SEPTIN8: variants seen among roughly 807,000 people sequenced by gnomAD.
The protein encoded by SEPTIN8 is septin 8, also known as septin-8.
Under a neutral mutation model 53.1 loss-of-function variants are expected in SEPTIN8, and 22 were observed. That is an observed-to-expected ratio of 0.41 (90% CI 0.30 to 0.59). The LOEUF (loss-of-function observed/expected upper bound fraction) is 0.59, where lower values mean the gene tolerates loss of function less well. SEPTIN8 is among the 20% of genes least tolerant of loss of function. The pLI is 0.24. For missense variants in SEPTIN8, 536 were observed against 638.7 expected (o/e 0.84, Z 1.73); for synonymous variants, 228 against 248.4 (o/e 0.92, Z 0.77).
intron 3 of SEPTIN8, 45 bp from the exon 4 acceptor site, chr5:132,763,937 G>A: frequency 6.7e-7 from 1 of 1,500,240 alleles, no homozygotes; most frequent in Non-Finnish European, 8.9e-7. Flanking sequence ...CTGAGATCAG[G>A]GGCTTGGGGC....
At chr5:132,772,630 C>T (rs952002534) in intron 1 of SEPTIN8, among the ~76,000 whole-genome samples, 3 of 152,198 alleles carry the variant, frequency 2.0e-5, no homozygotes, top group Non-Finnish European at 4.4e-5. Context: ...AAAGGTGCCC[C>T]GCCTTCTGTC....
rs1399052090 is a variant in SEPTIN8, at chr5:132,760,941, T to C, written c.1147A>G (p.Lys383Glu). The change falls in exon 9 of 10, where the codon AAG becomes GAG. Residue 383 changes from lysine to glutamate, a missense_variant. Lys to Glu is a moderately conservative substitution (Grantham distance 56). Around this residue, in one of 3 missense-constraint regions of SEPTIN8, gnomAD observed 133 missense variants for 157.4 expected, o/e 0.84. Transcript: ENST00000378719. This position sits in a 1 kb window ranked among gnomAD's most constrained non-coding sequence, Gnocchi z 5.2. ...AGTTCCCGGCGCTTTTCCTCCACCT[T>C]GCGCTTCTCCTCCTGGTGGACCCGC... ...LKRVHQEEKR[K>E]VEEKRRELEE... The C allele has an allele frequency of 1.9e-6, 3 of 1,599,624 alleles. No homozygotes were observed. Among genetic ancestry groups the C allele is most frequent in the Non-Finnish European group, 2.6e-6 (3 of 1,174,024 alleles).
At position 132,751,307 on chromosome 5, in the gene SEPTIN8, C is replaced by T. The variant is rs1265967916; in HGVS notation, c.*709G>A. 2 of 280,462 alleles carry T rather than the reference C, an allele frequency of 7.1e-6. No homozygotes were observed. The highest frequency in any genetic ancestry group is 1.3e-5 in the Non-Finnish European group (2 of 150,648). 17.4% of individuals were successfully genotyped at this position (280,462 alleles called of 1,614,324 possible). ...TATTTAACTTTCCATTCTATGAATA[C>T]TGTACATAAATATCTGTCTGCTTTT... On this transcript the variant is annotated 3_prime_UTR_variant, in exon 10 of 10. Coordinates refer to ENST00000378719, the MANE Select transcript of SEPTIN8 (RefSeq NM_001098811.2).
intron 1 of SEPTIN8, among the ~76,000 whole-genome samples, chr5:132,770,097 ATATGTATATATG>A (rs1757129468): frequency 8.7e-5 from 2 of 22,978 alleles, no homozygotes; most frequent in South Asian, 1.4e-3. Context: ...ATGTATATAT[ATATGTATATATG>A]TATATATATA....
intron 9 of SEPTIN8, chr5:132,754,498 G>A (rs762309621): frequency 9.8e-6 from 7 of 717,386 alleles, no homozygotes; most frequent in Non-Finnish European, 1.6e-5. Context: ...GCTGGATTCT[G>A]AGAGCTGATC....
At chr5:132,759,218 G>A (rs371386315) in intron 9 of SEPTIN8, among the ~76,000 whole-genome samples, 2 of 152,274 alleles carry the variant, frequency 1.3e-5, no homozygotes, top group East Asian at 1.9e-4. Flanking sequence ...CCACAGAGCC[G>A]TCATGGGAAG....
intron 9 of SEPTIN8, among the ~76,000 whole-genome samples, chr5:132,752,617 G>A (rs918656561): frequency 2.6e-5 from 4 of 152,134 alleles, no homozygotes. Flanking sequence ...CATTGTGGGG[G>A]CACAAGGAGG....
Position 132,761,923 on chromosome 5 carries a change from G to T in SEPTIN8, c.697-27C>A. 6.5e-7 allele frequency: 1 copy of T among 1,549,586 alleles called. No individual in the cohort carries two copies. Among genetic ancestry groups the T allele is most frequent in the Non-Finnish European group, 8.7e-7 (1 of 1,144,500 alleles). ...TGGAAAGGGGCCCGGGTATGCGTAA[G>T]CCCTGAGCTGACACAGACTAATGGC... is the stretch of plus-strand genomic sequence containing the variant. On this transcript the variant is annotated intron_variant, in intron 5 of 9. Coordinates refer to ENST00000378719, the MANE Select transcript of SEPTIN8 (RefSeq NM_001098811.2). This position sits in a 1 kb window ranked among gnomAD's most constrained non-coding sequence, Gnocchi z 5.8.
upstream of SEPTIN8, chr5:132,777,401 G>A (rs1757912020): frequency 2.0e-6 from 2 of 1,009,096 alleles, no homozygotes; most frequent in African/African-American, 1.7e-5. This position sits in a 1 kb window ranked among gnomAD's most constrained non-coding sequence, Gnocchi z 4.1. Flanking sequence ...TCTCCGCGGC[G>A]AGGCGGGAGG....
At chr5:132,770,428 C>A (rs1053506095) in intron 1 of SEPTIN8, among the ~76,000 whole-genome samples, 1 of 151,974 alleles carries the variant, frequency 6.6e-6, no homozygotes, top group South Asian at 2.1e-4. Context: ...GATCCACCTG[C>A]GTTGGCCTCC....
At chr5:132,756,012 A>G in intron 9 of SEPTIN8, 1 of 985,388 alleles carries the variant, frequency 1.0e-6, no homozygotes, top group South Asian at 4.7e-5. Context: ...ACTCAAAATA[A>G]ATGCAAAATT....
intron 1 of SEPTIN8, among the ~76,000 whole-genome samples, chr5:132,769,856 C>G (rs1430194543): frequency 2.7e-5 from 4 of 150,560 alleles, no homozygotes; most frequent in Non-Finnish European, 5.9e-5. Flanking sequence ...AACTGGAGAG[C>G]CTGTGCTTAT....
rs1428563154 is a variant in SEPTIN8 at position 132,776,456 on chromosome 5, C to T, written c.30+652G>A. Among the ~76,000 whole-genome samples the T allele has an allele frequency of 6.6e-6, 1 of 152,240 alleles. No homozygotes were observed. The highest frequency in any genetic ancestry group is 1.9e-4 in the East Asian group (1 of 5,198). On this transcript the variant is annotated intron_variant, in intron 1 of 9. Coordinates refer to ENST00000378719, the MANE Select transcript of SEPTIN8 (RefSeq NM_001098811.2). The surrounding 1 kb of genome is among the most constrained non-coding windows in gnomAD (Gnocchi z 4.4). ...CTGGACTGGAGCCCAAATAAACGCC[C>T]ACTGGGCTGAGTCTGGAATCCCTCC...
chr5:132,776,910 G>C lies in SEPTIN8; in HGVS notation c.30+198C>G, dbSNP rs1481391447. Among the ~76,000 whole-genome samples the C allele has an allele frequency of 6.6e-6, 1 of 152,086 alleles. No homozygotes were observed. Among genetic ancestry groups the C allele is most frequent in the Non-Finnish European group, 1.5e-5 (1 of 67,976 alleles). On this transcript the variant is annotated intron_variant, in intron 1 of 9. Coordinates refer to ENST00000378719, the MANE Select transcript of SEPTIN8 (RefSeq NM_001098811.2). The surrounding 1 kb of genome is among the most constrained non-coding windows in gnomAD (Gnocchi z 4.4). ...AGGAAGCGACCCCGACCAGCCGCCC[G>C]GCAAGGCAGGCCGCCCGACGCTCCG...
At chr5:132,768,609 G>A (rs1171560298) in intron 1 of SEPTIN8, among the ~76,000 whole-genome samples, 1 of 152,218 alleles carries the variant, frequency 6.6e-6, no homozygotes, top group South Asian at 2.1e-4. Context: ...CAGAAATAAA[G>A]TCAGGTGACC....
At chr5:132,757,853 CCTT>C (rs1270284133) in intron 9 of SEPTIN8, 1 of 985,412 alleles carries the variant, frequency 1.0e-6, no homozygotes, top group East Asian at 1.1e-4. Flanking sequence ...ACATCAGACA[CCTT>C]CATCTCTTCA....
At chr5:132,759,773 G>A (rs1243197867) in intron 9 of SEPTIN8, among the ~76,000 whole-genome samples, 1 of 152,236 alleles carries the variant, frequency 6.6e-6, no homozygotes, top group Non-Finnish European at 1.5e-5. Flanking sequence ...GGGGCAGGGA[G>A]AAGCAGGGAT....
rs1340600594 is a variant in SEPTIN8 at position 132,761,555 on chromosome 5, G to T, written c.865C>A (p.Arg289Ser). The change falls in exon 7 of 10, where the codon CGC becomes AGC. Residue 289 changes from arginine to serine, a missense_variant. Physicochemically the swap from Arg to Ser is moderately radical, Grantham distance 110. This residue lies in a region of SEPTIN8 where 395 missense variants were observed against 451.8 expected (regional missense o/e 0.87). Coordinates refer to ENST00000378719, the MANE Select transcript of SEPTIN8 (RefSeq NM_001098811.2). This position sits in a 1 kb window ranked among gnomAD's most constrained non-coding sequence, Gnocchi z 5.8. Reference protein sequence around the residue: ...MLIRVNMEDLREQTHSRHYEL... With the variant: ...MLIRVNMEDLSEQTHSRHYEL... ...TAGTGCCGGCTGTGGGTCTGCTCGC[G>T]GAGGTCTTCCATGTTCACCCGGATC... 17 of 1,613,936 alleles carry T rather than the reference G, an allele frequency of 1.1e-5. No homozygotes were observed. Among genetic ancestry groups the T allele is most frequent in the Non-Finnish European group, 1.4e-5 (17 of 1,180,002 alleles).
chr5:132,761,585 T>C lies in SEPTIN8; in HGVS notation c.835A>G (p.Met279Val). ...TCTTCCATGTTCACCCGGATCAACA[T>C]CTCCCGCAGCTTCACGAAGTCGCAG... is the stretch of plus-strand genomic sequence containing the variant. ...NHCDFVKLREMLIRVNMEDLR... is the reference protein window; with the variant it reads ...NHCDFVKLREVLIRVNMEDLR... The change falls in exon 7 of 10, where the codon ATG becomes GTG. Residue 279 changes from methionine to valine, a missense_variant. Transcript: ENST00000378719. The surrounding 1 kb of genome is among the most constrained non-coding windows in gnomAD (Gnocchi z 5.8). The C allele has an allele frequency of 6.2e-7, 1 of 1,613,954 alleles. No individual in the cohort carries two copies. Among genetic ancestry groups the C allele is most frequent in the Non-Finnish European group, 8.5e-7 (1 of 1,180,000 alleles).
Sources: gnomAD v4.1 joint callset for allele counts (sites outside exome capture counted in the v4.1 genomes callset) on GRCh38, gnomAD v4.1.1 for gene constraint, gnomAD v4.1.1 regional missense constraint, Gnocchi (gnomAD v3.1) non-coding constraint, MANE v1.5 for transcripts, NCBI Gene and HGNC (gene_info 2026-07-23, HGNC 2026-07-21) for gene names.